The following TGFB2 variants were observed in gnomAD, a reference collection of about 807,000 sequenced individuals.
TGFB2 encodes the protein transforming growth factor beta 2, also known as transforming growth factor beta-2 proprotein.
Under a neutral mutation model 42.7 loss-of-function variants are expected in TGFB2, and 13 were observed. The ratio of observed to expected loss-of-function variants is 0.30; its 90% CI spans 0.20 to 0.48. The LOEUF (loss-of-function observed/expected upper bound fraction) is 0.48. Ranked by LOEUF, TGFB2 falls within the 20% of genes least tolerant of loss-of-function variation. The pLI is 0.99. For missense variants in TGFB2, 390 were observed against 517.5 expected (o/e 0.75, Z 2.39); for synonymous variants, 193 against 193.6 (o/e 1.00, Z 0.03).
intron 1 of TGFB2, among the ~76,000 whole-genome samples, chr1:218,382,117 A>T (rs985915546): frequency 2.0e-5 from 3 of 151,926 alleles, no homozygotes; most frequent in Non-Finnish European, 2.9e-5. Flanking sequence ...GAAAAAAAAA[A>T]TTTTATGAAG....
At chr1:218,425,958 T>G (rs1238721722) in intron 2 of TGFB2, among the ~76,000 whole-genome samples, 2 of 152,248 alleles carry the variant, frequency 1.3e-5, no homozygotes, top group East Asian at 3.8e-4. Flanking sequence ...CATCACTACT[T>G]GCAAGTCACT....
At chr1:218,374,401 T>C (rs2102557622) in intron 1 of TGFB2, among the ~76,000 whole-genome samples, 1 of 152,294 alleles carries the variant, frequency 6.6e-6, no homozygotes, top group South Asian at 2.1e-4. Context: ...ATAACAGAAA[T>C]AGCACCCCAC....
intron 1 of TGFB2, among the ~76,000 whole-genome samples, chr1:218,372,833 A>G (rs917349396): frequency 1.3e-5 from 2 of 152,208 alleles, no homozygotes; most frequent in African/African-American, 4.8e-5. Context: ...GTCCAACTCC[A>G]GAAATTCTGA....
chr1:218,363,394 C>A, intron 1 of TGFB2: 5 of 1,613,950 alleles, frequency 3.1e-6, no homozygotes, highest in Non-Finnish European at 4.2e-6. Flanking sequence ...TCCAGACAGT[C>A]CCAGGTGCTC....
chr1:218,418,787 T>C (rs1489530060), intron 2 of TGFB2, among the ~76,000 whole-genome samples: 1 of 152,140 alleles, frequency 6.6e-6, no homozygotes, highest in African/African-American at 2.4e-5. Flanking sequence ...CATGATATGA[T>C]GGTTTTAAAA....
intron 1 of TGFB2, among the ~76,000 whole-genome samples, chr1:218,347,347 A>T (rs1310209817): frequency 5.3e-5 from 8 of 152,134 alleles, no homozygotes; most frequent in African/African-American, 1.7e-4. Flanking sequence ...ACCAGCTAGG[A>T]GTCAGCCCCA....
intron 2 of TGFB2, among the ~76,000 whole-genome samples, chr1:218,419,462 A>G (rs1391095076): frequency 6.6e-6 from 1 of 152,102 alleles, no homozygotes; most frequent in African/African-American, 2.4e-5. Context: ...CTCCTTGATA[A>G]TCTTCATTAT....
intron 1 of TGFB2, among the ~76,000 whole-genome samples, chr1:218,394,528 A>G (rs954160721): frequency 1.3e-5 from 2 of 152,140 alleles, no homozygotes; most frequent in Non-Finnish European, 2.9e-5. Flanking sequence ...CAGTACGCAC[A>G]GTCTCAAATA....
chr1:218,436,821 C>T (rs981003243), intron 5 of TGFB2, among the ~76,000 whole-genome samples: 1 of 152,130 alleles, frequency 6.6e-6, no homozygotes, highest in African/African-American at 2.4e-5. Flanking sequence ...CCAGTGGTTG[C>T]CCTCAGCAAG....
intron 1 of TGFB2, among the ~76,000 whole-genome samples, chr1:218,359,671 C>T (rs1250351104): frequency 6.6e-6 from 1 of 152,148 alleles, no homozygotes; most frequent in Non-Finnish European, 1.5e-5. Context: ...GCTGAGAATT[C>T]TCTAAGAAGA....
At chr1:218,422,764 A>G (rs1379557955) in intron 2 of TGFB2, among the ~76,000 whole-genome samples, 1 of 152,126 alleles carries the variant, frequency 6.6e-6, no homozygotes, top group Non-Finnish European at 1.5e-5. Context: ...GCACTCCTTT[A>G]AGAACAGGCA....
chr1:218,362,072 G>A (rs1454132396), intron 1 of TGFB2, among the ~76,000 whole-genome samples: 3 of 152,194 alleles, frequency 2.0e-5, no homozygotes, highest in Non-Finnish European at 4.4e-5. Context: ...TTGATAGTGG[G>A]CTGAATATTG....
At chr1:218,361,525 G>T (rs1213686019) in intron 1 of TGFB2, among the ~76,000 whole-genome samples, 1 of 152,122 alleles carries the variant, frequency 6.6e-6, no homozygotes, top group Non-Finnish European at 1.5e-5. Flanking sequence ...ACACTGGCCT[G>T]AAGAAGGTGC....
At chr1:218,365,637 C>A (rs1221293647) in intron 1 of TGFB2, among the ~76,000 whole-genome samples, 1 of 151,446 alleles carries the variant, frequency 6.6e-6, no homozygotes, top group Non-Finnish European at 1.5e-5. Flanking sequence ...ACCTTCCCTG[C>A]AAGGCTGCTG....
chr1:218,391,731 A>C (rs1473475134), intron 1 of TGFB2, among the ~76,000 whole-genome samples: 2 of 152,242 alleles, frequency 1.3e-5, no homozygotes, highest in African/African-American at 4.8e-5. Context: ...TTTGTGTGGA[A>C]AAGACCAAAG....
intron 1 of TGFB2, among the ~76,000 whole-genome samples, chr1:218,363,044 G>T (rs1176566800): frequency 6.6e-6 from 1 of 152,106 alleles, no homozygotes; most frequent in East Asian, 1.9e-4. Context: ...TACCGTTTCA[G>T]TATGTAAATT....
At chr1:218,373,457 TATGA>T (rs1334255045) in intron 1 of TGFB2, among the ~76,000 whole-genome samples, 1 of 151,780 alleles carries the variant, frequency 6.6e-6, no homozygotes. Context: ...TGATTAGTAA[TATGA>T]TTAGTTATAA....
intron 1 of TGFB2, among the ~76,000 whole-genome samples, chr1:218,388,391 G>A (rs1156950737): frequency 6.6e-6 from 1 of 152,080 alleles, no homozygotes; most frequent in Admixed American, 6.5e-5. Context: ...TGGATTGCTT[G>A]GCACACCAAA....
intron 1 of TGFB2, among the ~76,000 whole-genome samples, chr1:218,397,092 T>C (rs1267704216): frequency 1.1e-4 from 16 of 148,672 alleles, no homozygotes; most frequent in Admixed American, 1.0e-3. Context: ...CATGGTGAAA[T>C]CCCGTCTCTA....
Sources: gnomAD v4.1 joint callset for allele counts (sites outside exome capture counted in the v4.1 genomes callset) on GRCh38, gnomAD v4.1.1 for gene constraint, MANE v1.5 for transcripts, NCBI Gene and HGNC (gene_info 2026-07-23, HGNC 2026-07-21) for gene names.